The following PSMG2 variants were observed in gnomAD, a reference collection of about 807,000 sequenced individuals.
PSMG2 encodes proteasome assembly chaperone 2.
A neutral mutation model predicts 31.5 loss-of-function variants in PSMG2; 21 were observed. The ratio of observed to expected loss-of-function variants is 0.67; its 90% CI spans 0.47 to 0.96. PSMG2 has a LOEUF of 0.96. Among genes scored for constraint, PSMG2 ranks in the 40% least tolerant of loss-of-function variants. PSMG2 has a pLI of 0.00. For missense variants in PSMG2, 318 were observed against 321.2 expected (o/e 0.99, Z 0.08); for synonymous variants, 120 against 110.4 (o/e 1.09, Z -0.54).
At chr18:12,688,228 C>CAAAA (rs11337170) in intron 1 of PSMG2, among the ~76,000 whole-genome samples, 4 of 94,018 alleles carry the variant, frequency 4.3e-5, no homozygotes, top group African/African-American at 4.1e-5. Context: ...GACTCCATCT[C>CAAAA]AAAAAAAAAA....
At chr18:12,667,632 G>A (rs12956026) in intron 1 of PSMG2, among the ~76,000 whole-genome samples, 13,533 of 150,002 alleles carry the variant, frequency 0.09, 837 homozygotes, top group Non-Finnish European at 0.13. Flanking sequence ...GTGGTGGCAC[G>A]TGCCTGTACT....
chr18:12,706,496 A>G, intron 1 of PSMG2, 54 bp from the exon 2 acceptor site: 2 of 1,579,262 alleles, frequency 1.3e-6, no homozygotes, highest in Non-Finnish European at 1.7e-6. Flanking sequence ...CAAAAAATAA[A>G]ATAAAGTGCT....
At chr18:12,696,964 C>T (rs867938243) in intron 1 of PSMG2, among the ~76,000 whole-genome samples, 8 of 151,952 alleles carry the variant, frequency 5.3e-5, no homozygotes, top group Non-Finnish European at 7.4e-5. Flanking sequence ...AAATTAAAAC[C>T]CTCAAAATTC....
intron 1 of PSMG2, among the ~76,000 whole-genome samples, chr18:12,683,001 G>C (rs2039404181): frequency 6.6e-6 from 1 of 151,950 alleles, no homozygotes; most frequent in Admixed American, 6.6e-5. Flanking sequence ...TATCTGCAAA[G>C]ATAGTCAGTG....
Position 12,672,957 on chromosome 18 carries a change from A to G in PSMG2, c.-37+14184A>G, listed in dbSNP as rs538260239. 3.2e-3 allele frequency: 3,172 copies of G among 984,926 alleles called. 9 individuals are homozygous for G. Among genetic ancestry groups the G allele is most frequent in the Non-Finnish European group, 3.6e-3 (2,981 of 828,938 alleles). 61.0% of individuals were successfully genotyped at this position (984,926 alleles called of 1,614,324 possible). On this transcript the variant is annotated intron_variant, in intron 1 of 6. Coordinates refer to the PSMG2 transcript ENST00000585331. ...GAGGTTAATTTCTCCTAATCTGTAT[A>G]AAATAATTCCATTAACCTGTGAAAA...
Position 12,695,799 on chromosome 18 carries a change from C to A in PSMG2, c.-36-10751C>A, listed in dbSNP as rs531687757. 7.9e-5 allele frequency among the ~76,000 whole-genome samples: 12 copies of A among 152,012 alleles called. No individual in the cohort carries two copies. In the South Asian group the frequency reaches 2.5e-3, roughly 32 times the overall value. On this transcript the variant is annotated intron_variant, in intron 1 of 6. Transcript: ENST00000585331. ...TCTTAATTAAATGTATAATATCAAC[C>A]AGACTTACATTAAATTCAAAGTCAA... is the stretch of plus-strand genomic sequence containing the variant.
chr18:12,686,261 C>T, intron 1 of PSMG2: 1 of 1,609,044 alleles, frequency 6.2e-7, no homozygotes, highest in Non-Finnish European at 8.5e-7. Flanking sequence ...GTGTATAATA[C>T]CTTGTTTCTA....
intron 1 of PSMG2, among the ~76,000 whole-genome samples, chr18:12,694,764 T>C (rs963447494): frequency 6.6e-6 from 1 of 151,574 alleles, no homozygotes; most frequent in Non-Finnish European, 1.5e-5. Context: ...CAGGCTGGAG[T>C]GCACTGGTGC....
intron 2 of PSMG2, among the ~76,000 whole-genome samples, chr18:12,711,328 G>A (rs2040329008): frequency 6.6e-6 from 1 of 152,118 alleles, no homozygotes; most frequent in Non-Finnish European, 1.5e-5. Context: ...CACCGAAGAA[G>A]TGGTAGCTTA....
At chr18:12,724,792 A>C in intron 6 of PSMG2, 173 bp downstream of exon 6, 1 of 639,382 alleles carries the variant, frequency 1.6e-6, no homozygotes, top group Non-Finnish European at 2.3e-6. Context: ...CAGTTAACCA[A>C]CCTATTATTT....
intron 1 of PSMG2, 95 bp from the exon 2 acceptor site, chr18:12,706,455 C>G: frequency 7.4e-7 from 1 of 1,356,088 alleles, no homozygotes; most frequent in Admixed American, 1.8e-5. Context: ...CCACTGTACT[C>G]CAGCCTGGGA....
At chr18:12,718,107 C>G (rs1163765845) in intron 3 of PSMG2, among the ~76,000 whole-genome samples, 1 of 150,514 alleles carries the variant, frequency 6.6e-6, no homozygotes, top group Non-Finnish European at 1.5e-5. Context: ...CTCCTGGGTT[C>G]AAGTGATTCT....
intron 1 of PSMG2, among the ~76,000 whole-genome samples, chr18:12,671,920 A>G (rs1329490522): frequency 1.3e-5 from 2 of 152,122 alleles, no homozygotes; most frequent in Non-Finnish European, 2.9e-5. Context: ...TCCCAGGTTC[A>G]AGCGATTCTC....
intron 1 of PSMG2, among the ~76,000 whole-genome samples, 157 bp from the exon 2 acceptor site, chr18:12,706,393 A>G (rs1470242352): frequency 6.6e-6 from 1 of 152,234 alleles, no homozygotes; most frequent in African/African-American, 2.4e-5. Context: ...AGGCTGAGGC[A>G]GGAGAATTGC....
intron 1 of PSMG2, among the ~76,000 whole-genome samples, chr18:12,676,682 T>C (rs956686987): frequency 3.3e-5 from 5 of 152,192 alleles, no homozygotes; most frequent in African/African-American, 4.8e-5. Flanking sequence ...TAAGGGGCAT[T>C]CATTTCCAGC....
intron 1 of PSMG2, chr18:12,697,167 T>C: frequency 1.6e-6 from 2 of 1,213,082 alleles, no homozygotes; most frequent in South Asian, 3.0e-5. Context: ...ATAAAATATA[T>C]TTACAAATGA....
chr18:12,706,573 T>C lies in PSMG2; in HGVS notation c.81T>C (p.Val27=), dbSNP rs771708566. The C allele has an allele frequency of 6.2e-7, 1 of 1,614,096 alleles. No homozygotes were observed. The highest frequency in any genetic ancestry group is 1.7e-5 in the Admixed American group (1 of 59,996). ...LLMPAVSVGN[V]GQLAMDLIIS... is the part of the protein sequence containing the mutation. Reference sequence around the variant, plus strand: ...AGCCAGCAGTATCTGTTGGAAATGTTGGCCAGCTTGCAATGGATCTGATTA... The same window carrying C: ...AGCCAGCAGTATCTGTTGGAAATGTCGGCCAGCTTGCAATGGATCTGATTA... Residue 27 remains valine (V), a synonymous_variant, in exon 2 of 7, where the codon GTT becomes GTC. Transcript: ENST00000317615.
intron 1 of PSMG2, among the ~76,000 whole-genome samples, 169 bp downstream of exon 1, chr18:12,703,333 CAG>C (rs2040219503): frequency 6.6e-6 from 1 of 152,264 alleles, no homozygotes. Context: ...GCCGTCCAAA[CAG>C]AACCTTTGTC....
chr18:12,661,280 C>T (rs9949293), intron 1 of PSMG2: 282,902 of 692,876 alleles, frequency 0.41, 59,003 homozygotes, highest in Non-Finnish European at 0.43. Flanking sequence ...TGCACCCCAG[C>T]CTGGGTGACA....
Sources: gnomAD v4.1 joint callset for allele counts (sites outside exome capture counted in the v4.1 genomes callset) on GRCh38, gnomAD v4.1.1 for gene constraint, MANE v1.5 for transcripts, NCBI Gene and HGNC (gene_info 2026-07-23, HGNC 2026-07-21) for gene names.